INPP5A: variants seen among roughly 807,000 people sequenced by gnomAD.
The protein encoded by INPP5A is inositol polyphosphate-5-phosphatase A.
INPP5A carries 14 observed loss-of-function variants against 65.2 expected under a neutral mutation model. That is an observed-to-expected ratio of 0.21 (90% CI 0.14 to 0.34). INPP5A has a LOEUF of 0.34. Among genes scored for constraint, INPP5A ranks in the 10% least tolerant of loss-of-function variants. The pLI, the probability that INPP5A is intolerant of heterozygous loss-of-function variation, is 1.00. For synonymous variants in INPP5A, 207 were observed against 208.3 expected, an observed-to-expected ratio of 0.99 and a Z score of 0.05; for missense variants, 431 against 545.6, an observed-to-expected ratio of 0.79 and a Z score of 2.09.
chr10:132,769,244 A>C (rs1249266096), intron 12 of INPP5A, among the ~76,000 whole-genome samples: 2 of 152,244 alleles, frequency 1.3e-5, no homozygotes, highest in Non-Finnish European at 2.9e-5. Context: ...CTAATATTTC[A>C]GACATTTATA....
chr10:132,656,009 G>A (rs2072652889), intron 4 of INPP5A, among the ~76,000 whole-genome samples: 1 of 152,248 alleles, frequency 6.6e-6, no homozygotes, highest in African/African-American at 2.4e-5. Flanking sequence ...GGCACCTGCA[G>A]CAGCTTCTTC....
intron 1 of INPP5A, among the ~76,000 whole-genome samples, chr10:132,561,792 G>A (rs1271537599): frequency 1.4e-5 from 2 of 147,552 alleles, no homozygotes; most frequent in African/African-American, 5.0e-5. Context: ...ACACCACCCT[G>A]CTGGAATCTA....
intron 2 of INPP5A, among the ~76,000 whole-genome samples, chr10:132,628,451 G>T (rs2072218442): frequency 8.9e-6 from 1 of 111,890 alleles, no homozygotes; most frequent in African/African-American, 3.4e-5. Context: ...CCCTCCAGAT[G>T]TGCTCTGGTG....
At chr10:132,708,614 G>C (rs1332852049) in intron 7 of INPP5A, 4 of 599,504 alleles carry the variant, frequency 6.7e-6, no homozygotes, top group Non-Finnish European at 1.3e-5. Context: ...GACGGCCCCA[G>C]TCCCTCCCCG....
rs540837546 is a variant in INPP5A, at chr10:132,586,239, C to T, written c.76-21676C>T. ...AGAAGCAGACTTCGGGCCTTCTCCA[C>T]GTCTCCCCCACCTCCGACTCTGTTA... On this transcript the variant is annotated intron_variant, in intron 1 of 15. Coordinates refer to ENST00000368594, the MANE Select transcript of INPP5A (RefSeq NM_005539.5). Among the ~76,000 whole-genome samples the T allele has an allele frequency of 1.2e-4, 18 of 152,324 alleles. 1 individual carries two copies. The highest frequency in any genetic ancestry group is 5.9e-4 in the Admixed American group (9 of 15,308).
chr10:132,641,650 C>T (rs940376850), intron 2 of INPP5A, among the ~76,000 whole-genome samples: 2 of 152,288 alleles, frequency 1.3e-5, no homozygotes, highest in African/African-American at 2.4e-5. Context: ...GTAAACTGTG[C>T]GTGGAGGTAG....
rs1001607242 is a variant in INPP5A, at chr10:132,698,174, C to A, written c.474+255C>A. 1.3e-5 allele frequency among the ~76,000 whole-genome samples: 2 copies of A among 152,174 alleles called. No homozygotes were observed. Among genetic ancestry groups the A allele is most frequent in the African/African-American group, 4.8e-5 (2 of 41,442 alleles). On this transcript the variant is annotated intron_variant, in intron 6 of 15. Transcript: ENST00000368594. This position sits in a 1 kb window ranked among gnomAD's most constrained non-coding sequence, Gnocchi z 5.5. ...GAATCCTCATATCCAGGAGAAAGAA[C>A]CTTCGCCAAAAGATGTAGGAAAATC...
At chr10:132,773,918 A>G (rs12245235) in intron 12 of INPP5A, among the ~76,000 whole-genome samples, 2,852 of 152,198 alleles carry the variant, frequency 0.019, 74 homozygotes, top group African/African-American at 0.064. Flanking sequence ...GCACCACCAC[A>G]CCTGGCTAAC....
chr10:132,614,034 C>T (rs921427821), intron 2 of INPP5A, among the ~76,000 whole-genome samples: 2 of 152,210 alleles, frequency 1.3e-5, no homozygotes, highest in Non-Finnish European at 2.9e-5. Flanking sequence ...CAGGAGACAG[C>T]GCAGAAAAGC....
At position 132,651,317 on chromosome 10, in the gene INPP5A, C is replaced by T. The variant is rs1253289987; in HGVS notation, c.306+812C>T. Among the ~76,000 whole-genome samples the T allele has an allele frequency of 7.1e-6, 1 of 141,834 alleles. No individual in the cohort carries two copies. The highest frequency in any genetic ancestry group is 1.5e-5 in the Non-Finnish European group (1 of 64,746). 93.0% of individuals were successfully genotyped at this position (141,834 alleles called of 152,430 possible). ...CCCCGTCTCTGGGGAGGCCCTGGGT[C>T]CCCCGGCCTGGATCCATCTCCCCCG... On this transcript the variant is annotated intron_variant, in intron 4 of 15. Transcript: ENST00000368594. This position sits in a 1 kb window ranked among gnomAD's most constrained non-coding sequence, Gnocchi z 5.0.
At chr10:132,664,092 A>G (rs778389360) in intron 4 of INPP5A, among the ~76,000 whole-genome samples, 5 of 152,240 alleles carry the variant, frequency 3.3e-5, no homozygotes, top group Non-Finnish European at 5.9e-5. Flanking sequence ...CAGTGAACAT[A>G]AAGAAATAGC....
At chr10:132,736,554 C>T (rs1012767507) in intron 9 of INPP5A, among the ~76,000 whole-genome samples, 2 of 152,234 alleles carry the variant, frequency 1.3e-5, no homozygotes, top group Non-Finnish European at 2.9e-5. Flanking sequence ...TCCCAAAACA[C>T]GGCTCTCAAT....
intron 1 of INPP5A, among the ~76,000 whole-genome samples, chr10:132,540,342 T>A (rs1479278982): frequency 6.6e-6 from 1 of 152,262 alleles, no homozygotes; most frequent in Non-Finnish European, 1.5e-5. Context: ...TCTCTCTGAA[T>A]TTTCATTTTT....
At chr10:132,682,463 A>G (rs1428410659) in intron 4 of INPP5A, among the ~76,000 whole-genome samples, 2 of 152,272 alleles carry the variant, frequency 1.3e-5, no homozygotes, top group African/African-American at 4.8e-5. Context: ...TAGTATAATG[A>G]AGATGCAAAT....
At chr10:132,690,537 C>T (rs981230489) in intron 5 of INPP5A, 82 bp downstream of exon 5, 1 of 1,051,808 alleles carries the variant, frequency 9.5e-7, no homozygotes, top group Non-Finnish European at 1.5e-6. Flanking sequence ...CTCTCCTGCC[C>T]TGTCTCTGTG....
At chr10:132,662,602 G>A (rs1297127658) in intron 4 of INPP5A, among the ~76,000 whole-genome samples, 1 of 152,174 alleles carries the variant, frequency 6.6e-6, no homozygotes, top group African/African-American at 2.4e-5. Flanking sequence ...GTTGTGGTGG[G>A]GGCTGGAGGG....
Position 132,587,310 on chromosome 10 carries a change from G to A in INPP5A, c.76-20605G>A, listed in dbSNP as rs535939581. 1.3e-5 allele frequency among the ~76,000 whole-genome samples: 2 copies of A among 152,132 alleles called. No individual in the cohort carries two copies. The highest frequency in any genetic ancestry group is 2.9e-5 in the Non-Finnish European group (2 of 68,024). On this transcript the variant is annotated intron_variant, in intron 1 of 15. Transcript: ENST00000368594. This position sits in a 1 kb window ranked among gnomAD's most constrained non-coding sequence, Gnocchi z 4.3. ...GGCCGTGTCTGGGCAGGAGGGGCTG[G>A]TACATCCTCACAGGGGTGGCAGGGG...
chr10:132,564,466 C>T (rs11595203), intron 1 of INPP5A, among the ~76,000 whole-genome samples: 28 of 152,124 alleles, frequency 1.8e-4, no homozygotes, highest in Non-Finnish European at 2.6e-4. Context: ...CCCCTGGCTG[C>T]CTCCCTGGGC....
At chr10:132,653,959 C>T (rs963764334) in intron 4 of INPP5A, among the ~76,000 whole-genome samples, 43 of 152,374 alleles carry the variant, frequency 2.8e-4, no homozygotes, top group African/African-American at 9.6e-4. Context: ...GTGGGCCTGG[C>T]AGCCCATTCT....
Sources: gnomAD v4.1 joint callset for allele counts (sites outside exome capture counted in the v4.1 genomes callset) on GRCh38, gnomAD v4.1.1 for gene constraint, Gnocchi (gnomAD v3.1) non-coding constraint, MANE v1.5 for transcripts, NCBI Gene and HGNC (gene_info 2026-07-23, HGNC 2026-07-21) for gene names.